Variants in GAPT observed in about 807,000 individuals in gnomAD.
GAPT encodes the protein GRB2 binding adaptor protein, transmembrane.
For synonymous variants in GAPT, 82 were observed against 69.7 expected (o/e 1.18, Z -0.88); for missense variants, 206 against 189.2 (o/e 1.09, Z -0.52).
Position 58,494,730 on chromosome 5 carries a change from G to T in GAPT, c.194G>T (p.Arg65Leu), listed in dbSNP as rs148170353. 2 of 1,613,832 alleles carry T rather than the reference G, an allele frequency of 1.2e-6. No individual in the cohort carries two copies. Among genetic ancestry groups the T allele is most frequent in the South Asian group, 1.1e-5 (1 of 91,082 alleles). Residue 65 changes from arginine to leucine, a missense_variant, in exon 3 of 3, where the codon CGC becomes CTC. Physicochemically the swap from Arg to Leu is moderately radical, Grantham distance 102. Transcript: ENST00000502276. ...KVCTKTFLGP[R>L]IIGLRHEISV... is the part of the protein sequence containing the mutation. ...TGTACTAAAACATTCTTGGGCCCCC[G>T]CATCATTGGCTTAAGGCATGAAATC...
chr5:58,491,868 GTCT>G (rs1744267608), intron 1 of GAPT, among the ~76,000 whole-genome samples: 1 of 152,138 alleles, frequency 6.6e-6, no homozygotes, highest in African/African-American at 2.4e-5. Flanking sequence ...TGAAAACAGA[GTCT>G]TCTTTCAAAC....
rs1744420520 is a variant in GAPT at position 58,495,391 on chromosome 5, G to C, written c.*381G>C. ...AATAATCTGTACACCAAACCCCCAA[G>C]TCACAAGTGTTCCTACATAACAAAC... On this transcript the variant is annotated 3_prime_UTR_variant, in exon 3 of 3. Coordinates refer to ENST00000502276, the MANE Select transcript of GAPT (RefSeq NM_001304431.2). 6.1e-6 allele frequency: 1 copy of C among 164,830 alleles called. No individual in the cohort carries two copies. The highest frequency in any genetic ancestry group is 1.3e-5 in the Non-Finnish European group (1 of 74,132). 10.2% of individuals were successfully genotyped at this position (164,830 alleles called of 1,614,324 possible).
rs1744386501 is a variant in GAPT, at chr5:58,494,696, A to G, written c.160A>G (p.Arg54Gly). The change falls in exon 3 of 3, where the codon AGA becomes GGA. Residue 54 changes from arginine (R) to glycine (G), a missense_variant. Transcript: ENST00000502276. The stretch of plus-strand genomic sequence containing the variant: ...GTTTTTACAAAGGAGAAGCAGCAGG[A>G]GAAAAGTCTGTACTAAAACATTCTT... ...PRFLQRRSSR[R>G]KVCTKTFLGP... 6.2e-7 allele frequency: 1 copy of G among 1,614,008 alleles called. No homozygotes were observed. The highest frequency in any genetic ancestry group is 8.5e-7 in the Non-Finnish European group (1 of 1,179,956).
At chr5:58,493,363 T>G (rs1744322206) in intron 1 of GAPT, among the ~76,000 whole-genome samples, 1 of 152,174 alleles carries the variant, frequency 6.6e-6, no homozygotes. Context: ...CTTGCCATTT[T>G]AAAGCATCAA....
Position 58,494,523 on chromosome 5 carries a change from C to A in GAPT, c.-14C>A, listed in dbSNP as rs768940073. Reference sequence around the variant, plus strand: ...GGTAACACCAAATCACTAAACAGCACTGTTTGTACAGAAATGTCGAAAAGC... The same window carrying A: ...GGTAACACCAAATCACTAAACAGCAATGTTTGTACAGAAATGTCGAAAAGC... On this transcript the variant is annotated 5_prime_UTR_variant, in exon 3 of 3. It adds an upstream start codon to the 5' untranslated region. Transcript: ENST00000502276. 10 of 1,589,308 alleles carry A rather than the reference C, an allele frequency of 6.3e-6. No homozygotes were observed. In the South Asian group the frequency reaches 1.1e-4, roughly 18 times the overall value.
chr5:58,493,008 G>A lies in GAPT; in HGVS notation c.-418-703G>A, dbSNP rs563375204. 2.0e-5 allele frequency among the ~76,000 whole-genome samples: 3 copies of A among 152,106 alleles called. No homozygotes were observed. The South Asian group carries it at 6.2e-4, about 32-fold the overall frequency. ...GATATTTGGATAAATAATATTTTGG[G>A]GAAATTTTTACCTGAATTCTCATTC... is the stretch of plus-strand genomic sequence containing the variant. On this transcript the variant is annotated intron_variant, in intron 1 of 2. Coordinates refer to ENST00000502276, the MANE Select transcript of GAPT (RefSeq NM_001304431.2).
At position 58,494,949 on chromosome 5, in the gene GAPT, A is replaced by G. The variant is rs1256976918; in HGVS notation, c.413A>G (p.Lys138Arg). The change falls in exon 3 of 3, where the codon AAG (lysine) becomes AGG (arginine). Residue 138 changes from lysine (K) to arginine (R), a missense_variant. Physicochemically the swap from Lys to Arg is conservative, Grantham distance 26. Coordinates refer to ENST00000502276, the MANE Select transcript of GAPT (RefSeq NM_001304431.2). ...TCTTCTGACTATTATAACTTCCAGA[A>G]GCCTCGTCCTTCTGAAGTTCCTCAA... is the stretch of plus-strand genomic sequence containing the variant. ...ETSSDYYNFQKPRPSEVPQDE... is the reference protein window; with the variant it reads ...ETSSDYYNFQRPRPSEVPQDE... 6.2e-6 allele frequency: 10 copies of G among 1,613,678 alleles called. No individual in the cohort carries two copies. The highest frequency in any genetic ancestry group is 4.5e-5 in the East Asian group (2 of 44,896).
rs755913415 is a variant in GAPT at position 58,494,503 on chromosome 5, C to T, written c.-34C>T. ...TACACTGTGAATTCATTAAGGGTAA[C>T]ACCAAATCACTAAACAGCACTGTTT... On this transcript the variant is annotated 5_prime_UTR_variant, in exon 3 of 3. Coordinates refer to ENST00000502276, the MANE Select transcript of GAPT (RefSeq NM_001304431.2). 1 of 1,520,642 alleles carries T rather than the reference C, an allele frequency of 6.6e-7. No individual in the cohort carries two copies. Among genetic ancestry groups the T allele is most frequent in the Non-Finnish European group, 9.0e-7 (1 of 1,116,844 alleles). The allele number at this position is 1,520,642 out of a possible 1,614,324, so 94.2% of individuals were successfully genotyped here.
rs1744391553 is a variant in GAPT, at chr5:58,494,755, CT to C, written c.220del (p.Ser74GlnfsTer90). 3 of 1,613,894 alleles carry C rather than the reference CT, an allele frequency of 1.9e-6. No individual in the cohort carries two copies. The East Asian group carries it at 6.7e-5, about 36-fold the overall frequency. On this transcript the variant is annotated frameshift_variant, in exon 3 of 3. Coordinates refer to ENST00000502276, the MANE Select transcript of GAPT (RefSeq NM_001304431.2). LOFTEE classifies it low-confidence loss of function (END_TRUNC). ...GCATCATTGGCTTAAGGCATGAAAT[CT>C]CAGTTGAAACCCAAGACCACAAATC... is the stretch of plus-strand genomic sequence containing the variant. ...PRIIGLRHEI[S>X]VETQDHKSAV...
Position 58,494,703 on chromosome 5 carries a change from T to C in GAPT, c.167T>C (p.Val56Ala). Residue 56 changes from valine (V) to alanine (A), a missense_variant, in exon 3 of 3, where the codon GTC becomes GCC. Val to Ala is a moderately conservative substitution (Grantham distance 64). Transcript: ENST00000502276. ...FLQRRSSRRK[V>A]CTKTFLGPRI... The stretch of plus-strand genomic sequence containing the variant: ...CAAAGGAGAAGCAGCAGGAGAAAAG[T>C]CTGTACTAAAACATTCTTGGGCCCC... The C allele has an allele frequency of 6.2e-7, 1 of 1,613,984 alleles. No individual in the cohort carries two copies. Among genetic ancestry groups the C allele is most frequent in the Non-Finnish European group, 8.5e-7 (1 of 1,179,970 alleles).
intron 2 of GAPT, 168 bp downstream of exon 2, chr5:58,494,006 T>C (rs1744347928): frequency 6.6e-6 from 1 of 152,306 alleles, no homozygotes; most frequent in Non-Finnish European, 1.5e-5. Context: ...TAACTCTTTT[T>C]CCTTTCATCA....
In GAPT at chr5:58,494,634, G is replaced by A; in HGVS notation, c.98G>A (p.Trp33Ter). 1 of 1,614,014 alleles carries A rather than the reference G, an allele frequency of 6.2e-7. No individual in the cohort carries two copies. The highest frequency in any genetic ancestry group is 1.1e-5 in the South Asian group (1 of 91,084). The change falls in exon 3 of 3, where the codon TGG becomes TAG. Residue 33 changes from tryptophan to a stop codon, truncating the protein, a stop_gained. Transcript: ENST00000502276. LOFTEE classifies it low-confidence loss of function (END_TRUNC). ...TGTGGAATTGGGTGTGTTTGGCACT[G>A]GAAACACCGTGTTGCCACACGATTT... ...VVCGIGCVWH[W>*]KHRVATRFTL...
intron 1 of GAPT, among the ~76,000 whole-genome samples, chr5:58,492,519 T>C (rs1744284949): frequency 6.6e-6 from 1 of 152,144 alleles, no homozygotes. Flanking sequence ...TGGCGGACCA[T>C]ACAGTTCTCA....
rs753799684 is a variant in GAPT at position 58,495,057 on chromosome 5, T to C, written c.*47T>C. Reference sequence around the variant, plus strand: ...GTTATTGGATGATAAATATTCACTGTAATTTTTCAACAGCAAAGACAAGGA... The same window carrying C: ...GTTATTGGATGATAAATATTCACTGCAATTTTTCAACAGCAAAGACAAGGA... On this transcript the variant is annotated 3_prime_UTR_variant, in exon 3 of 3. Coordinates refer to ENST00000502276, the MANE Select transcript of GAPT (RefSeq NM_001304431.2). The C allele has an allele frequency of 3.2e-6, 4 of 1,255,254 alleles. No individual in the cohort carries two copies. Among genetic ancestry groups the C allele is most frequent in the Non-Finnish European group, 4.5e-6 (4 of 892,232 alleles). The allele number at this position is 1,255,254 out of a possible 1,614,324, so 77.8% of individuals were successfully genotyped here. A position where few individuals can be genotyped will look rare whatever the true frequency, so the allele number is the denominator to read the frequency against.
In GAPT at chr5:58,497,071, A is replaced by T. The variant is rs1255763389; in HGVS notation, c.*2061A>T. ...CTGTTTAGCCAATTATCTATATTAA[A>T]TTCTCTCTGTTAAAACAAATTGATA... On this transcript the variant is annotated 3_prime_UTR_variant, in exon 3 of 3. Transcript: ENST00000502276. The T allele has an allele frequency of 6.0e-6, 1 of 167,058 alleles. No individual in the cohort carries two copies. Among genetic ancestry groups the T allele is most frequent in the Non-Finnish European group, 1.5e-5 (1 of 68,132 alleles). The allele number at this position is 167,058 out of a possible 1,614,324, so 10.3% of individuals were successfully genotyped here. A position where few individuals can be genotyped will look rare whatever the true frequency, so the allele number is the denominator to read the frequency against.
At position 58,494,976 on chromosome 5, in the gene GAPT, A is replaced by T; in HGVS notation, c.440A>T (p.Asp147Val). 1 of 1,610,918 alleles carries T rather than the reference A, an allele frequency of 6.2e-7. No homozygotes were observed. The highest frequency in any genetic ancestry group is 8.5e-7 in the Non-Finnish European group (1 of 1,177,586). ...CCTCGTCCTTCTGAAGTTCCTCAAG[A>T]TGAAGATATATACATTCTTCCAGAT... ...QKPRPSEVPQ[D>V]EDIYILPDSY The change falls in exon 3 of 3, where the codon GAT becomes GTT. Residue 147 changes from aspartate (D) to valine (V), a missense_variant. Transcript: ENST00000502276.
intron 1 of GAPT, among the ~76,000 whole-genome samples, chr5:58,492,919 G>A (rs1173346349): frequency 1.3e-5 from 2 of 151,980 alleles, no homozygotes; most frequent in South Asian, 2.1e-4. Flanking sequence ...TCCAACCTTC[G>A]AGAACCTCAG....
Position 58,496,587 on chromosome 5 carries a change from C to T in GAPT, c.*1577C>T, listed in dbSNP as rs904876695. On this transcript the variant is annotated 3_prime_UTR_variant, in exon 3 of 3. Transcript: ENST00000502276. Reference sequence around the variant, plus strand: ...TATTTGCTCCTCTGAATTGCTTGACCTGGGCCTCTGCAAACATTTCTTTTG... The same window carrying T: ...TATTTGCTCCTCTGAATTGCTTGACTTGGGCCTCTGCAAACATTTCTTTTG... 6 of 167,110 alleles carry T rather than the reference C, an allele frequency of 3.6e-5. No individual in the cohort carries two copies. The highest frequency in any genetic ancestry group is 1.4e-4 in the African/African-American group (6 of 41,446). 10.4% of individuals were successfully genotyped at this position (167,110 alleles called of 1,614,324 possible).
rs972777452 is a variant in GAPT at position 58,495,535 on chromosome 5, A to G, written c.*525A>G. ...TCTGATAAGTGGATGGTCTCTGCCT[A>G]TCTCCACCTTTCTGAATCCTATGTG... On this transcript the variant is annotated 3_prime_UTR_variant, in exon 3 of 3. Transcript: ENST00000502276. The G allele has an allele frequency of 1.2e-5, 2 of 167,878 alleles. No homozygotes were observed. The highest frequency in any genetic ancestry group is 2.9e-5 in the Non-Finnish European group (2 of 69,004). The allele number at this position is 167,878 out of a possible 1,614,324, so 10.4% of individuals were successfully genotyped here. A position where few individuals can be genotyped will look rare whatever the true frequency, so the allele number is the denominator to read the frequency against.
Sources: gnomAD v4.1 joint callset for allele counts (sites outside exome capture counted in the v4.1 genomes callset) on GRCh38, gnomAD v4.1.1 for gene constraint, MANE v1.5 for transcripts, NCBI Gene and HGNC (gene_info 2026-07-23, HGNC 2026-07-21) for gene names.